The following FNBP1 variants were observed in gnomAD, a reference collection of about 807,000 sequenced individuals.
FNBP1 encodes the protein formin-binding protein 1.
Under a neutral mutation model 90.6 loss-of-function variants are expected in FNBP1, and 26 were observed. The observed-to-expected ratio is 0.29, with a 90% CI of 0.21 to 0.40. The LOEUF is 0.40. Among genes scored for constraint, FNBP1 ranks in the 10% least tolerant of loss-of-function variants. The pLI is 1.00. For missense variants in FNBP1, 635 were observed against 768.0 expected (o/e 0.83, Z 2.05); for synonymous variants, 260 against 265.2 (o/e 0.98, Z 0.19).
chr9:130,023,145 G>A (rs1371639394), intron 1 of FNBP1, among the ~76,000 whole-genome samples: 1 of 151,944 alleles, frequency 6.6e-6, no homozygotes. Flanking sequence ...ACTCATAAAT[G>A]CTTGATAGCT....
intron 6 of FNBP1, among the ~76,000 whole-genome samples, chr9:129,940,813 G>C (rs2044214813): frequency 6.6e-6 from 1 of 151,788 alleles, no homozygotes; most frequent in Non-Finnish European, 1.5e-5. Flanking sequence ...TTTTAGTAGA[G>C]ACGGGGTTTC....
At chr9:129,906,557 C>A (rs2038095990) in intron 12 of FNBP1, among the ~76,000 whole-genome samples, 1 of 152,166 alleles carries the variant, frequency 6.6e-6, no homozygotes, top group Admixed American at 6.5e-5. Context: ...GTAAGACATG[C>A]CTTTGCTCCT....
chr9:129,969,889 CTTTTT>C (rs35399090), intron 4 of FNBP1, among the ~76,000 whole-genome samples: 1 of 132,542 alleles, frequency 7.5e-6, no homozygotes, highest in Non-Finnish European at 1.6e-5. Flanking sequence ...ATATTCCTAA[CTTTTT>C]TTTTTTTTTT....
At position 130,043,167 on chromosome 9, in the gene FNBP1, T is replaced by G; in HGVS notation, c.-192A>C. ...TCCTCCCCGCCGCTCCACAGCAAAA[T>G]GGCCCGAGGAAGCAGCAGCCGCGGC... On this transcript the variant is annotated 5_prime_UTR_variant, in exon 1 of 17. Transcript: ENST00000446176. The G allele has an allele frequency of 7.8e-6, 3 of 386,254 alleles. No homozygotes were observed. The highest frequency in any genetic ancestry group is 6.9e-4 in the Middle Eastern group (1 of 1,440). 23.9% of individuals were successfully genotyped at this position (386,254 alleles called of 1,614,324 possible). A position where few individuals can be genotyped will look rare whatever the true frequency, so the allele number is the denominator to read the frequency against.
chr9:129,935,003 G>A (rs1172601023), intron 6 of FNBP1, among the ~76,000 whole-genome samples: 3 of 151,982 alleles, frequency 2.0e-5, no homozygotes, highest in Admixed American at 6.6e-5. Context: ...AAACTGAACT[G>A]TAGCCCAATA....
At chr9:130,026,677 G>A (rs1169487483) in intron 1 of FNBP1, among the ~76,000 whole-genome samples, 2 of 152,006 alleles carry the variant, frequency 1.3e-5, no homozygotes, top group South Asian at 4.1e-4. Flanking sequence ...TGTGGGTCAG[G>A]TGCAGTGGCT....
intron 12 of FNBP1, among the ~76,000 whole-genome samples, chr9:129,906,991 G>A (rs1455896224): frequency 5.3e-5 from 8 of 152,110 alleles, no homozygotes; most frequent in Admixed American, 5.2e-4. Flanking sequence ...TGTTGGCCAG[G>A]ATGGTCTCAA....
chr9:129,983,277 G>A (rs963359291), intron 2 of FNBP1, among the ~76,000 whole-genome samples: 12 of 152,058 alleles, frequency 7.9e-5, no homozygotes, highest in Admixed American at 3.9e-4. Flanking sequence ...AAAGACCATC[G>A]AGTTCTGATG....
chr9:129,977,127 C>T (rs951217704), intron 4 of FNBP1, among the ~76,000 whole-genome samples: 17 of 150,926 alleles, frequency 1.1e-4, no homozygotes, highest in Admixed American at 2.0e-4. Flanking sequence ...CCACTTCACT[C>T]GGGCCTGGAC....
intron 13 of FNBP1, among the ~76,000 whole-genome samples, chr9:129,902,418 C>A (rs1337035468): frequency 6.6e-6 from 1 of 152,004 alleles, no homozygotes; most frequent in Non-Finnish European, 1.5e-5. Context: ...TGCAACAGAG[C>A]AAGACCTCAA....
intron 4 of FNBP1, among the ~76,000 whole-genome samples, chr9:129,969,873 G>A (rs987082458): frequency 3.4e-5 from 5 of 148,830 alleles, no homozygotes; most frequent in African/African-American, 4.9e-5. Context: ...AGCTATAGTA[G>A]GATTAATATT....
intron 2 of FNBP1, among the ~76,000 whole-genome samples, chr9:129,994,052 G>A (rs916057081): frequency 3.3e-5 from 5 of 152,182 alleles, no homozygotes; most frequent in Non-Finnish European, 5.9e-5. Context: ...AGTAGCCTGT[G>A]ACCTTGCAAT....
intron 1 of FNBP1, among the ~76,000 whole-genome samples, chr9:130,034,162 A>G (rs879382698): frequency 1.3e-5 from 2 of 151,896 alleles, no homozygotes; most frequent in Non-Finnish European, 2.9e-5. Flanking sequence ...TCTACTAAAA[A>G]TACAAAAAAT....
In FNBP1 at chr9:129,927,270, A is replaced by G; in HGVS notation, c.714T>C (p.Asp238=). Residue 238 remains aspartate, a synonymous_variant, in exon 8 of 17, where the codon GAT becomes GAC. Transcript: ENST00000446176. ...TCCCAATGATTGGGATCACCTGCCGATCAACCTCTGCATATGTCTTCATGG... is the reference window on the plus strand; with the variant it reads ...TCCCAATGATTGGGATCACCTGCCGGTCAACCTCTGCATATGTCTTCATGG... ...GESMKTYAEV[D]RQVIPIIGKC... is the part of the protein sequence containing the mutation. 1 of 1,613,850 alleles carries G rather than the reference A, an allele frequency of 6.2e-7. No homozygotes were observed. The highest frequency in any genetic ancestry group is 2.2e-5 in the East Asian group (1 of 44,890).
intron 1 of FNBP1, among the ~76,000 whole-genome samples, chr9:130,026,271 A>T (rs2058329989): frequency 6.6e-6 from 1 of 151,982 alleles, no homozygotes; most frequent in African/African-American, 2.4e-5. Context: ...GAGGTGGGTG[A>T]TCATCTGAGG....
At chr9:130,045,565 C>T (rs1036015566), upstream of FNBP1, among the ~76,000 whole-genome samples, 3 of 152,138 alleles carry the variant, frequency 2.0e-5, no homozygotes, top group African/African-American at 4.8e-5. Context: ...GAAGATGAAA[C>T]TTTTTAAGAC....
At chr9:129,997,772 C>A (rs1356038103) in intron 1 of FNBP1, among the ~76,000 whole-genome samples, 1 of 152,114 alleles carries the variant, frequency 6.6e-6, no homozygotes, top group African/African-American at 2.4e-5. Flanking sequence ...TCACTTGAGC[C>A]CAGGACTTCA....
intron 2 of FNBP1, among the ~76,000 whole-genome samples, chr9:129,989,323 A>C (rs1208752752): frequency 6.6e-6 from 1 of 152,192 alleles, no homozygotes; most frequent in Non-Finnish European, 1.5e-5. Flanking sequence ...TCATTCAAGC[A>C]TCCCTAGTGA....
Position 129,916,516 on chromosome 9 carries a change from C to T in FNBP1, c.1171-536G>A, listed in dbSNP as rs551483593. On this transcript the variant is annotated intron_variant, in intron 10 of 16. Coordinates refer to ENST00000446176, the MANE Select transcript of FNBP1 (RefSeq NM_015033.3). ...CCTGTAATCCCAGCTATTCAGGAGG[C>T]TGAGGCAGGAGAATCGCTTGAACCT... 5.3e-5 allele frequency among the ~76,000 whole-genome samples: 8 copies of T among 151,768 alleles called. No individual in the cohort carries two copies. The South Asian group carries it at 1.7e-3, about 32-fold the overall frequency.
Sources: gnomAD v4.1 joint callset for allele counts (sites outside exome capture counted in the v4.1 genomes callset) on GRCh38, gnomAD v4.1.1 for gene constraint, MANE v1.5 for transcripts, NCBI Gene and HGNC (gene_info 2026-07-23, HGNC 2026-07-21) for gene names.